The following LAMTOR5 variants were observed in gnomAD, a reference collection of about 807,000 sequenced individuals.
The protein encoded by LAMTOR5 is ragulator complex protein LAMTOR5.
In LAMTOR5, 8 loss-of-function variants were observed where a neutral mutation model predicts 12.1. That is an observed-to-expected ratio of 0.66 (90% CI 0.39 to 1.19). The LOEUF (loss-of-function observed/expected upper bound fraction) is 1.19. LAMTOR5 is among the 50% of genes most tolerant of loss of function. LAMTOR5 has a pLI of 0.01. For synonymous variants in LAMTOR5, 37 were observed against 41.9 expected (o/e 0.88, Z 0.45); for missense variants, 110 against 112.8 (o/e 0.97, Z 0.11).
At chr1:110,405,843 T>C (rs1465966763) in intron 2 of LAMTOR5, among the ~76,000 whole-genome samples, 5 of 152,218 alleles carry the variant, frequency 3.3e-5, no homozygotes, top group Non-Finnish European at 5.9e-5. Flanking sequence ...GAGCAAGGGA[T>C]TGAGACCAGG....
At chr1:110,404,664 A>T (rs537714587) in intron 2 of LAMTOR5, among the ~76,000 whole-genome samples, 1 of 152,158 alleles carries the variant, frequency 6.6e-6, no homozygotes, top group Admixed American at 6.5e-5. Context: ...TACCTTTCCA[A>T]ACTTATTTCC....
intron 2 of LAMTOR5, among the ~76,000 whole-genome samples, chr1:110,404,297 G>C (rs1010428743): frequency 6.6e-6 from 1 of 152,118 alleles, no homozygotes; most frequent in African/African-American, 2.4e-5. Context: ...AACCAAATCA[G>C]GTAATAGACA....
At chr1:110,407,203 G>C (rs866636858) in intron 1 of LAMTOR5, 1 of 578,734 alleles carries the variant, frequency 1.7e-6, no homozygotes, top group Middle Eastern at 3.6e-4. Context: ...ACACACAGGA[G>C]ATACGTGTTT....
chr1:110,407,050 G>A, intron 1 of LAMTOR5: 1 of 699,096 alleles, frequency 1.4e-6, no homozygotes, highest in Non-Finnish European at 2.6e-6. Flanking sequence ...AGGGTAAGTG[G>A]AAGCTGAGGG....
Position 110,407,656 on chromosome 1 carries a change from G to C in LAMTOR5, c.-36C>G. 4 of 1,614,140 alleles carry C rather than the reference G, an allele frequency of 2.5e-6. No individual in the cohort carries two copies. The highest frequency in any genetic ancestry group is 3.4e-6 in the Non-Finnish European group (4 of 1,180,030). On this transcript the variant is annotated 5_prime_UTR_variant, in exon 1 of 4. Transcript: ENST00000602318. ...GACCACTCCGGCTCAGAACCCAGCG[G>C]CACGGCACGTCCTTCTCCACCACAG... is the stretch of plus-strand genomic sequence containing the variant.
chr1:110,402,919 G>A (rs1163601715), intron 3 of LAMTOR5, among the ~76,000 whole-genome samples: 1 of 152,204 alleles, frequency 6.6e-6, no homozygotes, highest in African/African-American at 2.4e-5. Context: ...TTCCAGTGTT[G>A]TAAGCTCCAT....
chr1:110,406,476 G>T, intron 1 of LAMTOR5, 97 bp from the exon 2 acceptor site: 1 of 764,774 alleles, frequency 1.3e-6, no homozygotes. Flanking sequence ...CAGGCATTAA[G>T]TGCTTTAAAT....
At chr1:110,407,501 C>T (rs1663358806) in intron 1 of LAMTOR5, 85 bp downstream of exon 1, 5 of 1,504,940 alleles carry the variant, frequency 3.3e-6, no homozygotes, top group Non-Finnish European at 3.6e-6. Flanking sequence ...ACGCCCTGGC[C>T]GGTACTCGCA....
chr1:110,401,348 C>G lies in LAMTOR5; in HGVS notation c.*175G>C. The G allele has an allele frequency of 2.0e-6, 1 of 508,890 alleles. No homozygotes were observed. Among genetic ancestry groups the G allele is most frequent in the Non-Finnish European group, 3.4e-6 (1 of 296,216 alleles). 31.5% of individuals were successfully genotyped at this position (508,890 alleles called of 1,614,324 possible). On this transcript the variant is annotated 3_prime_UTR_variant, in exon 4 of 4. Coordinates refer to ENST00000602318, the MANE Select transcript of LAMTOR5 (RefSeq NM_001382293.1). ...AAACATGATCCTTTCTTACTAATATCTTGATAGTCGGTCCATAGAGCATTA... is the reference window on the plus strand; with the variant it reads ...AAACATGATCCTTTCTTACTAATATGTTGATAGTCGGTCCATAGAGCATTA...
At chr1:110,401,860 C>T (rs1663237564) in intron 3 of LAMTOR5, among the ~76,000 whole-genome samples, 2 of 152,126 alleles carry the variant, frequency 1.3e-5, no homozygotes, top group Non-Finnish European at 2.9e-5. Context: ...TGCTATGTTG[C>T]CCAAGCTGGC....
At chr1:110,407,920 GC>G, upstream of LAMTOR5, 1 of 1,564,652 alleles carries the variant, frequency 6.4e-7, no homozygotes, top group East Asian at 2.3e-5. Flanking sequence ...CTGCAGCCGG[GC>G]CTCAGTGCTT....
At chr1:110,403,605 C>A in intron 3 of LAMTOR5, 1 of 224,480 alleles carries the variant, frequency 4.5e-6, no homozygotes, top group South Asian at 5.5e-5. Context: ...AGAGCAACAC[C>A]CTGCCTCAAA....
intron 1 of LAMTOR5, 72 bp from the exon 2 acceptor site, chr1:110,406,451 A>G: frequency 9.5e-7 from 1 of 1,049,366 alleles, no homozygotes; most frequent in Non-Finnish European, 1.5e-6. Flanking sequence ...ACAAACATAC[A>G]GGTGTTCTAT....
chr1:110,404,520 A>G (rs1227695775), intron 2 of LAMTOR5, among the ~76,000 whole-genome samples: 2 of 152,244 alleles, frequency 1.3e-5, no homozygotes, highest in East Asian at 1.9e-4. Context: ...CATGTTAAAC[A>G]TAACTGAGTT....
chr1:110,404,073 CAT>C (rs746873837), intron 2 of LAMTOR5, 37 bp from the exon 3 acceptor site: 20 of 1,604,388 alleles, frequency 1.2e-5, no homozygotes, highest in South Asian at 1.1e-5. Flanking sequence ...CCTGATTGCT[CAT>C]AGAGTATTTC....
At chr1:110,403,713 T>C in intron 3 of LAMTOR5, 1 of 595,258 alleles carries the variant, frequency 1.7e-6, no homozygotes, top group Non-Finnish European at 2.6e-6. Context: ...TTCTGCCAAT[T>C]CTTATTCTTC....
chr1:110,407,552 C>T (rs748383382), intron 1 of LAMTOR5, 34 bp downstream of exon 1: 1 of 1,605,268 alleles, frequency 6.2e-7, no homozygotes, highest in South Asian at 1.1e-5. Context: ...CCGCCGCGAC[C>T]TCAGGACAGG....
In LAMTOR5 at chr1:110,407,007, A is replaced by G. The variant is rs1303954816; in HGVS notation, c.35+579T>C. 6 of 687,842 alleles carry G rather than the reference A, an allele frequency of 8.7e-6. No individual in the cohort carries two copies. In the Admixed American group the frequency reaches 1.3e-4, roughly 15 times the overall value. 42.6% of individuals were successfully genotyped at this position (687,842 alleles called of 1,614,324 possible). The stretch of plus-strand genomic sequence containing the variant: ...CATGTTTTAGTACTAACTCATTTAA[A>G]ACAACTGTTGAAAAACTCAAGTTAC... On this transcript the variant is annotated intron_variant, in intron 1 of 3. Coordinates refer to ENST00000602318, the MANE Select transcript of LAMTOR5 (RefSeq NM_001382293.1).
In LAMTOR5 at chr1:110,404,040, GA is replaced by G. The variant is rs758424408; in HGVS notation, c.98-5del. 52 of 1,613,052 alleles carry G rather than the reference GA, an allele frequency of 3.2e-5. No homozygotes were observed. Among genetic ancestry groups the G allele is most frequent in the Middle Eastern group, 1.6e-4 (1 of 6,080 alleles). On this transcript the variant is annotated splice_polypyrimidine_tract_variant and splice_region_variant and intron_variant, in intron 2 of 3. Transcript: ENST00000602318. ...TCATCTGACAGGGTCCCGCGGCCTG[GA>G]AAATAGAGATGATATATGTCACCTG... is the stretch of plus-strand genomic sequence containing the variant.
Sources: allele counts gnomAD v4.1 joint callset (sites outside exome capture counted in the v4.1 genomes callset), GRCh38; gene constraint gnomAD v4.1.1; transcripts MANE v1.5; gene names NCBI Gene and HGNC (gene_info 2026-07-23, HGNC 2026-07-21).